The following RBFOX1 variants were observed in gnomAD, a reference collection of about 807,000 sequenced individuals.
RBFOX1 encodes the protein RNA binding fox-1 homolog 1, also known as RNA binding protein fox-1 homolog 1.
Under a neutral mutation model 57.7 loss-of-function variants are expected in RBFOX1, and 8 were observed. The ratio of observed to expected loss-of-function variants is 0.14; its 90% CI spans 0.08 to 0.25. RBFOX1 has a LOEUF of 0.25. RBFOX1 is among the 10% of genes least tolerant of loss of function. The pLI is 1.00. For missense variants in RBFOX1, 611 were observed against 548.5 expected (o/e 1.11, Z -1.14); for synonymous variants, 326 against 222.4 (o/e 1.47, Z -4.15).
At chr16:6,617,723 C>G (rs117097325) in intron 2 of RBFOX1, among the ~76,000 whole-genome samples, 2 of 152,188 alleles carry the variant, frequency 1.3e-5, no homozygotes, top group East Asian at 3.9e-4. Flanking sequence ...GAAGAAGAGA[C>G]AGCATAGATA....
At chr16:5,693,738 A>T (rs550052337) in intron 3 of RBFOX1, among the ~76,000 whole-genome samples, 42 of 152,192 alleles carry the variant, frequency 2.8e-4, no homozygotes, top group Non-Finnish European at 4.4e-4. Flanking sequence ...ATTCTATCCA[A>T]GATCAAGCCT....
At chr16:6,694,166 C>T (rs7499655) in intron 3 of RBFOX1, among the ~76,000 whole-genome samples, 1 of 152,142 alleles carries the variant, frequency 6.6e-6, no homozygotes, top group Non-Finnish European at 1.5e-5. Flanking sequence ...TTGGAGTTTT[C>T]CTTGTTCCTG....
At chr16:6,198,978 C>A (rs1008059921) in intron 1 of RBFOX1, among the ~76,000 whole-genome samples, 6 of 151,654 alleles carry the variant, frequency 4.0e-5, no homozygotes, top group African/African-American at 1.5e-4. Context: ...CTGCTTTTGA[C>A]TGAACATTTT....
chr16:5,905,212 T>G (rs2058427792), intron 4 of RBFOX1, among the ~76,000 whole-genome samples: 1 of 151,170 alleles, frequency 6.6e-6, no homozygotes, highest in Admixed American at 6.6e-5. Context: ...GGATTATAGG[T>G]GGGTGCCACC....
intron 3 of RBFOX1, among the ~76,000 whole-genome samples, chr16:6,819,041 C>T (rs144973057): frequency 6.6e-5 from 10 of 152,334 alleles, no homozygotes; most frequent in Middle Eastern, 3.4e-3. Context: ...GGACTATCAA[C>T]GGCATTGTAT....
rs2270127 is a variant in RBFOX1 at position 7,708,946 on chromosome 16, G to T, written c.996-110G>T. 17 of 942,750 alleles carry T rather than the reference G, an allele frequency of 1.8e-5. No homozygotes were observed. The African/African-American group carries it at 2.1e-4, about 12-fold the overall frequency. The allele number at this position is 942,750 out of a possible 1,614,324, so 58.4% of individuals were successfully genotyped here. ...AGCAGAGTAGAATTTGCTTCTCACTGGAAGATGAGTAGGGCCCCTGCATAC... is the reference window on the plus strand; with the variant it reads ...AGCAGAGTAGAATTTGCTTCTCACTTGAAGATGAGTAGGGCCCCTGCATAC... On this transcript the variant is annotated intron_variant, in intron 14 of 15. Transcript: ENST00000550418.
chr16:6,115,302 C>G lies in RBFOX1; in HGVS notation c.-127+95310C>G, dbSNP rs188105417. Among the ~76,000 whole-genome samples the G allele has an allele frequency of 1.4e-3, 210 of 152,212 alleles. 2 individuals are homozygous for G. Among genetic ancestry groups the G allele is most frequent in the Non-Finnish European group, 2.2e-3 (149 of 68,018 alleles). On this transcript the variant is annotated intron_variant, in intron 1 of 15. Coordinates refer to ENST00000550418, the MANE Select transcript of RBFOX1 (RefSeq NM_018723.4). The stretch of plus-strand genomic sequence containing the variant: ...AACTTTAAGTTTTAGGATTTCACTG[C>G]CCCTTAGAATGTAACAAGTACAAAT...
In RBFOX1 at chr16:6,376,152, A is replaced by G. The variant is rs141434883; in HGVS notation, c.-64+59095A>G. Among the ~76,000 whole-genome samples the G allele has an allele frequency of 1.1e-3, 173 of 152,238 alleles. 1 individual carries two copies. Among genetic ancestry groups the G allele is most frequent in the Non-Finnish European group, 1.8e-3 (122 of 68,006 alleles). Reference sequence around the variant, plus strand: ...TTATCCCAGTGGAAATTTCATATCAATATCTGTGATTCTTTGACTGTTCTC... The same window carrying G: ...TTATCCCAGTGGAAATTTCATATCAGTATCTGTGATTCTTTGACTGTTCTC... On this transcript the variant is annotated intron_variant, in intron 2 of 15. Coordinates refer to ENST00000550418, the MANE Select transcript of RBFOX1 (RefSeq NM_018723.4).
chr16:6,757,528 A>C (rs1442218381), intron 3 of RBFOX1, among the ~76,000 whole-genome samples: 2 of 152,204 alleles, frequency 1.3e-5, no homozygotes, highest in African/African-American at 4.8e-5. Context: ...TCATTATGTT[A>C]ACTGAAATAA....
intron 3 of RBFOX1, among the ~76,000 whole-genome samples, chr16:5,778,514 A>G (rs916580137): frequency 6.6e-6 from 1 of 152,096 alleles, no homozygotes; most frequent in African/African-American, 2.4e-5. Flanking sequence ...CCATTTTGTC[A>G]CTACAAAGCC....
At chr16:7,008,413 A>G (rs1312419834) in intron 3 of RBFOX1, among the ~76,000 whole-genome samples, 2 of 151,918 alleles carry the variant, frequency 1.3e-5, no homozygotes, top group Non-Finnish European at 2.9e-5. Context: ...ATGGTGGCGC[A>G]TCTGTAATTC....
intron 3 of RBFOX1, among the ~76,000 whole-genome samples, chr16:6,967,121 C>G (rs932479245): frequency 6.6e-6 from 1 of 152,132 alleles, no homozygotes; most frequent in Non-Finnish European, 1.5e-5. Flanking sequence ...TCATCCATTA[C>G]TTATCTATTT....
intron 1 of RBFOX1, among the ~76,000 whole-genome samples, chr16:5,431,175 T>C (rs548892759): frequency 5.3e-5 from 8 of 152,248 alleles, no homozygotes; most frequent in Non-Finnish European, 1.2e-4. Context: ...GGTGTCCTGA[T>C]GACTTGGATT....
chr16:6,435,213 A>T (rs527254231), intron 2 of RBFOX1, among the ~76,000 whole-genome samples: 4 of 152,040 alleles, frequency 2.6e-5, no homozygotes, highest in Non-Finnish European at 5.9e-5. Flanking sequence ...AGTGGTTTCA[A>T]GGCACCAATT....
intron 2 of RBFOX1, among the ~76,000 whole-genome samples, chr16:6,575,197 G>C (rs1172862191): frequency 1.3e-5 from 2 of 152,150 alleles, no homozygotes; most frequent in Non-Finnish European, 2.9e-5. Context: ...TTATGCCTGT[G>C]AGTGATTTTT....
chr16:6,961,506 A>C (rs573341039), intron 3 of RBFOX1, among the ~76,000 whole-genome samples: 2 of 152,372 alleles, frequency 1.3e-5, no homozygotes, highest in Admixed American at 1.3e-4. Context: ...AGAAGAAAGA[A>C]TCAGAGCGAG....
At chr16:6,837,796 T>G (rs1488288709) in intron 3 of RBFOX1, among the ~76,000 whole-genome samples, 1 of 152,192 alleles carries the variant, frequency 6.6e-6, no homozygotes, top group Non-Finnish European at 1.5e-5. Context: ...TTATCATTGG[T>G]AGAAGTGGTA....
chr16:7,303,270 C>G (rs2096075807), intron 4 of RBFOX1, among the ~76,000 whole-genome samples: 1 of 152,240 alleles, frequency 6.6e-6, no homozygotes, highest in Non-Finnish European at 1.5e-5. Flanking sequence ...CTTCGGTGCT[C>G]TGCTGGGGGG....
intron 3 of RBFOX1, among the ~76,000 whole-genome samples, chr16:6,996,594 C>A (rs988523992): frequency 6.6e-6 from 1 of 152,164 alleles, no homozygotes; most frequent in Non-Finnish European, 1.5e-5. Flanking sequence ...CGACTTTATG[C>A]TTTAGGCACT....
Sources: allele counts gnomAD v4.1 joint callset (sites outside exome capture counted in the v4.1 genomes callset), GRCh38; gene constraint gnomAD v4.1.1; transcripts MANE v1.5; gene names NCBI Gene and HGNC (gene_info 2026-07-23, HGNC 2026-07-21).